The following TRAF3 variants were observed in gnomAD, a reference collection of about 807,000 sequenced individuals.
TRAF3 encodes the protein TNF receptor-associated factor 3.
A neutral mutation model predicts 62.3 loss-of-function variants in TRAF3; 13 were observed. The observed-to-expected ratio is 0.21, with a 90% CI of 0.14 to 0.33. The LOEUF is 0.33. Among genes scored for constraint, TRAF3 ranks in the 10% least tolerant of loss-of-function variants. The pLI, the probability that TRAF3 is intolerant of heterozygous loss-of-function variation, is 1.00. For synonymous variants in TRAF3, 269 were observed against 283.4 expected (o/e 0.95, Z 0.51); for missense variants, 440 against 741.8 (o/e 0.59, Z 4.73).
chr14:102,843,880 T>C (rs1480553142), intron 2 of TRAF3, among the ~76,000 whole-genome samples: 2 of 151,890 alleles, frequency 1.3e-5, no homozygotes, highest in Non-Finnish European at 2.9e-5. Context: ...AAAACAGATA[T>C]AAATAATGAA....
intron 1 of TRAF3, among the ~76,000 whole-genome samples, chr14:102,800,240 T>C (rs1005016045): frequency 6.6e-6 from 1 of 152,186 alleles, no homozygotes; most frequent in Non-Finnish European, 1.5e-5. Flanking sequence ...TCTGGTCCAG[T>C]GGAAGCAGCA....
chr14:102,904,349 C>T (rs560469493), intron 11 of TRAF3, among the ~76,000 whole-genome samples: 1 of 152,316 alleles, frequency 6.6e-6, no homozygotes, highest in Admixed American at 6.5e-5. Flanking sequence ...GGTGTTACCC[C>T]CAGAAACCAC....
intron 2 of TRAF3, among the ~76,000 whole-genome samples, chr14:102,846,785 C>T (rs1886752311): frequency 6.6e-6 from 1 of 152,038 alleles, no homozygotes; most frequent in South Asian, 2.1e-4. Context: ...CACTGCACTC[C>T]AGCCTGGGTG....
intron 2 of TRAF3, among the ~76,000 whole-genome samples, chr14:102,831,155 G>C (rs777666467): frequency 9.2e-5 from 14 of 152,178 alleles, no homozygotes; most frequent in Admixed American, 7.2e-4. Context: ...CTGCACCTGG[G>C]CTGGGTGTGT....
At chr14:102,819,534 G>A (rs1411989587) in intron 1 of TRAF3, among the ~76,000 whole-genome samples, 1 of 152,202 alleles carries the variant, frequency 6.6e-6, no homozygotes, top group Non-Finnish European at 1.5e-5. Flanking sequence ...GACTTGAATG[G>A]AGATTATTGT....
chr14:102,873,474 T>G lies in TRAF3; in HGVS notation c.297+1506T>G, dbSNP rs977193614. Among the ~76,000 whole-genome samples, 7 of 152,216 alleles carry G rather than the reference T, an allele frequency of 4.6e-5. 1 individual carries two copies. The highest frequency in any genetic ancestry group is 8.8e-5 in the Non-Finnish European group (6 of 68,038). ...GAGATGTTTTTTTAGTATCTCTGTT[T>G]TGTTATGCAGAATCATTATCCCTAT... On this transcript the variant is annotated intron_variant, in intron 4 of 11. Coordinates refer to ENST00000392745, the MANE Select transcript of TRAF3 (RefSeq NM_145725.3).
intron 1 of TRAF3, among the ~76,000 whole-genome samples, chr14:102,792,959 A>G (rs1897884547): frequency 6.6e-6 from 1 of 151,294 alleles, no homozygotes; most frequent in Non-Finnish European, 1.5e-5. Flanking sequence ...ACAGGCATGC[A>G]CCATCATGCC....
intron 6 of TRAF3, among the ~76,000 whole-genome samples, chr14:102,877,955 ACTATT>A (rs1351451700): frequency 2.0e-4 from 30 of 152,246 alleles, no homozygotes; most frequent in Non-Finnish European, 1.5e-4. Flanking sequence ...CTTCTTAAAG[ACTATT>A]CTAATAGGAC....
intron 6 of TRAF3, 21 bp from the exon 7 acceptor site, chr14:102,886,168 T>C (rs2139916445): frequency 6.2e-7 from 1 of 1,611,260 alleles, no homozygotes; most frequent in Non-Finnish European, 8.5e-7. Flanking sequence ...TTAAAGTTGA[T>C]AGTACTTTCT....
At chr14:102,900,411 G>T (rs1472744864) in intron 10 of TRAF3, among the ~76,000 whole-genome samples, 2 of 152,226 alleles carry the variant, frequency 1.3e-5, no homozygotes, top group East Asian at 3.8e-4. Flanking sequence ...TGAGGCAGAA[G>T]AATCACTTGA....
intron 1 of TRAF3, among the ~76,000 whole-genome samples, chr14:102,827,821 A>T (rs2139613097): frequency 6.6e-6 from 1 of 152,350 alleles, no homozygotes; most frequent in Admixed American, 6.5e-5. Context: ...CTGACCACGT[A>T]ATGGTTGTTA....
intron 1 of TRAF3, among the ~76,000 whole-genome samples, chr14:102,828,751 C>T (rs1014046354): frequency 5.3e-5 from 8 of 152,036 alleles, no homozygotes; most frequent in Non-Finnish European, 1.2e-4. Context: ...GAAGACTTAT[C>T]TTATTTAGTC....
At chr14:102,809,552 A>ATTT (rs1898996215) in intron 1 of TRAF3, among the ~76,000 whole-genome samples, 1 of 83,154 alleles carries the variant, frequency 1.2e-5, no homozygotes. Flanking sequence ...TTTTTTTTTG[A>ATTT]GACGGAGTCT....
At chr14:102,839,255 G>C (rs942089147) in intron 2 of TRAF3, among the ~76,000 whole-genome samples, 19 of 115,092 alleles carry the variant, frequency 1.7e-4, no homozygotes, top group African/African-American at 3.9e-4. Context: ...GTCTCACTCT[G>C]TCACCCAGGC....
At chr14:102,815,768 C>T (rs1899480422) in intron 1 of TRAF3, among the ~76,000 whole-genome samples, 1 of 152,146 alleles carries the variant, frequency 6.6e-6, no homozygotes, top group Non-Finnish European at 1.5e-5. Context: ...ACAATCAAGG[C>T]AGACGGGGAA....
chr14:102,864,207 G>A (rs974293988), intron 2 of TRAF3, among the ~76,000 whole-genome samples: 7 of 146,736 alleles, frequency 4.8e-5, no homozygotes, highest in African/African-American at 1.8e-4. Context: ...GGAGTGCAGT[G>A]GCGCCATCAC....
chr14:102,839,225 T>C (rs1347788727), intron 2 of TRAF3, among the ~76,000 whole-genome samples: 4 of 141,732 alleles, frequency 2.8e-5, no homozygotes, highest in African/African-American at 8.0e-5. Flanking sequence ...TTTTTTTTTT[T>C]TTTTTTTTTT....
In TRAF3 at chr14:102,876,516, C is replaced by T. The variant is rs760550928; in HGVS notation, c.561C>T (p.Ile187=). The part of the protein sequence containing the change: ...CSHCKSQVPM[I]ALQKHEDTDC... ...ACTGCAAGAGTCAGGTTCCGATGAT[C>T]GCGCTGCAGGTGCGGGTCCTCCCAT... Residue 187 remains isoleucine, a synonymous_variant, in exon 6 of 12, where the codon ATC becomes ATT. Coordinates refer to ENST00000392745, the MANE Select transcript of TRAF3 (RefSeq NM_145725.3). 11 of 1,613,532 alleles carry T rather than the reference C, an allele frequency of 6.8e-6. No homozygotes were observed. In the Admixed American group the frequency reaches 8.3e-5, roughly 12 times the overall value.
At chr14:102,783,650 G>A (rs1264947047) in intron 1 of TRAF3, among the ~76,000 whole-genome samples, 2 of 152,032 alleles carry the variant, frequency 1.3e-5, no homozygotes, top group Admixed American at 6.6e-5. Flanking sequence ...AACTTACTTC[G>A]TTCCCTAAAT....
Sources: gnomAD v4.1 joint callset for allele counts (sites outside exome capture counted in the v4.1 genomes callset) on GRCh38, gnomAD v4.1.1 for gene constraint, MANE v1.5 for transcripts, NCBI Gene and HGNC (gene_info 2026-07-23, HGNC 2026-07-21) for gene names.